Variants in SCFD2 observed in about 807,000 individuals in gnomAD.
The protein encoded by SCFD2 is sec1 family domain containing 2.
SCFD2 carries 54 observed loss-of-function variants against 58.9 expected under a neutral mutation model. The observed-to-expected ratio is 0.92, with a 90% CI of 0.74 to 1.15. The LOEUF is 1.15. SCFD2 is among the 50% of genes most tolerant of loss of function. SCFD2 has a pLI of 0.00. For synonymous variants in SCFD2, 321 were observed against 335.9 expected, an observed-to-expected ratio of 0.96 and a Z score of 0.49; for missense variants, 805 against 836.6, an observed-to-expected ratio of 0.96 and a Z score of 0.47.
intron 5 of SCFD2, among the ~76,000 whole-genome samples, chr4:53,067,985 G>C (rs1363428545): frequency 6.6e-6 from 1 of 152,038 alleles, no homozygotes; most frequent in Non-Finnish European, 1.5e-5. Flanking sequence ...AGAGTTCAGA[G>C]TTCTTAGCAA....
rs747989763 is a variant in SCFD2, at chr4:53,352,708, C to G, written c.897G>C (p.Gln299His). Residue 299 changes from glutamine to histidine, a missense_variant, in exon 2 of 9, where the codon CAG becomes CAC. By Grantham distance (24) the Gln-to-His change is conservative. Around this residue, in one of 3 missense-constraint regions of SCFD2, gnomAD observed 633 missense variants for 646.8 expected, o/e 0.98. Transcript: ENST00000401642. Reference protein sequence around the residue: ...LVEKIISALPQLPGHTNDVMV... With the variant: ...LVEKIISALPHLPGHTNDVMV... ...TCACATCATTTGTGTGGCCTGGGAG[C>G]TGGGGAAGTGCTGAAATGATCTTCT... 1 of 1,614,086 alleles carries G rather than the reference C, an allele frequency of 6.2e-7. No individual in the cohort carries two copies. Among genetic ancestry groups the G allele is most frequent in the East Asian group, 2.2e-5 (1 of 44,880 alleles).
At chr4:53,304,419 T>C (rs1732447195) in intron 3 of SCFD2, among the ~76,000 whole-genome samples, 1 of 152,206 alleles carries the variant, frequency 6.6e-6, no homozygotes, top group African/African-American at 2.4e-5. Context: ...TCCTGAAGAG[T>C]GTTTTCCAAC....
intron 5 of SCFD2, among the ~76,000 whole-genome samples, chr4:53,024,399 T>C (rs1206954522): frequency 6.6e-6 from 1 of 152,076 alleles, no homozygotes; most frequent in Non-Finnish European, 1.5e-5. Flanking sequence ...GATGGCATAA[T>C]CAACTTGGAG....
intron 2 of SCFD2, among the ~76,000 whole-genome samples, chr4:53,321,700 T>C (rs1228849817): frequency 6.6e-6 from 1 of 152,184 alleles, no homozygotes; most frequent in African/African-American, 2.4e-5. Flanking sequence ...AATTAAATTA[T>C]TCACAGAGGC....
intron 5 of SCFD2, among the ~76,000 whole-genome samples, chr4:52,944,333 T>A (rs1306205913): frequency 2.0e-5 from 3 of 152,196 alleles, no homozygotes; most frequent in Non-Finnish European, 4.4e-5. Context: ...GGAGAAGACA[T>A]TGAAATTATA....
At chr4:53,350,036 A>G (rs917186379) in intron 2 of SCFD2, among the ~76,000 whole-genome samples, 11 of 152,204 alleles carry the variant, frequency 7.2e-5, no homozygotes, top group African/African-American at 2.7e-4. Context: ...TCATAGAGAT[A>G]TTGTGAGAAG....
At chr4:53,006,633 C>T (rs1014776704) in intron 5 of SCFD2, among the ~76,000 whole-genome samples, 1 of 152,138 alleles carries the variant, frequency 6.6e-6, no homozygotes, top group South Asian at 2.1e-4. Flanking sequence ...TTGAGTATAA[C>T]CTGTTCTGTT....
intron 5 of SCFD2, among the ~76,000 whole-genome samples, chr4:53,142,040 C>G (rs1726184099): frequency 6.6e-6 from 1 of 152,192 alleles, no homozygotes; most frequent in South Asian, 2.1e-4. Flanking sequence ...TCTAGGTATT[C>G]TTTAATACAG....
At chr4:52,991,514 T>C (rs1420139479) in intron 5 of SCFD2, among the ~76,000 whole-genome samples, 3 of 152,100 alleles carry the variant, frequency 2.0e-5, no homozygotes, top group African/African-American at 7.2e-5. Context: ...TCAAGGAAAT[T>C]ACACAGGTTT....
intron 2 of SCFD2, among the ~76,000 whole-genome samples, chr4:53,340,742 G>A (rs571210833): frequency 6.6e-6 from 1 of 152,294 alleles, no homozygotes; most frequent in East Asian, 1.9e-4. Context: ...CACACAGCTG[G>A]GTGCCTCTCT....
Position 53,365,345 on chromosome 4 carries a change from G to C in SCFD2, c.597C>G (p.Ser199Arg), listed in dbSNP as rs1302302526. ...GCGTAGTGGAGTCCACATCACCCAG[G>C]CTTCCCAGCTTCCTCTTGTCCGGTC... ...SARPDKRKLG[S>R]LGDVDSTTLT... Residue 199 changes from serine (S) to arginine (R), a missense_variant, in exon 1 of 9, where the codon AGC becomes AGG. Ser to Arg is a moderately radical substitution (Grantham distance 110, BLOSUM62 -1). This residue lies in a region of SCFD2 where 633 missense variants were observed against 646.8 expected (regional missense o/e 0.98). Coordinates refer to ENST00000401642, the MANE Select transcript of SCFD2 (RefSeq NM_152540.4). The surrounding 1 kb of genome is among the most constrained non-coding windows in gnomAD (Gnocchi z 4.3). 1.2e-6 allele frequency: 2 copies of C among 1,614,046 alleles called. No homozygotes were observed. Among genetic ancestry groups the C allele is most frequent in the Non-Finnish European group, 1.7e-6 (2 of 1,180,040 alleles).
At chr4:53,265,560 G>C (rs1398562098) in intron 4 of SCFD2, 2 of 152,088 alleles carry the variant, frequency 1.3e-5, no homozygotes, top group Non-Finnish European at 2.9e-5. Context: ...TGCTGCCAAA[G>C]AGAGCACCTA....
chr4:53,318,178 G>T (rs1441442461), intron 2 of SCFD2, among the ~76,000 whole-genome samples: 1 of 152,102 alleles, frequency 6.6e-6, no homozygotes, highest in East Asian at 1.9e-4. Context: ...TATTTTTCAG[G>T]AATAAAATTG....
intron 4 of SCFD2, among the ~76,000 whole-genome samples, chr4:53,217,845 C>CA (rs1423458816): frequency 6.6e-6 from 1 of 152,142 alleles, no homozygotes; most frequent in Non-Finnish European, 1.5e-5. Flanking sequence ...CTGGTGGTGA[C>CA]AAAATCTCTC....
chr4:53,254,793 GTTTAT>G (rs1730535120), intron 4 of SCFD2, among the ~76,000 whole-genome samples: 2 of 148,560 alleles, frequency 1.3e-5, no homozygotes, highest in Non-Finnish European at 1.5e-5. Flanking sequence ...AACACTTCAT[GTTTAT>G]TTTATTTTTT....
chr4:52,918,099 C>G (rs184296269), intron 6 of SCFD2, among the ~76,000 whole-genome samples: 1 of 152,296 alleles, frequency 6.6e-6, no homozygotes, highest in African/African-American at 2.4e-5. Flanking sequence ...CAGGACATCT[C>G]AATCAGATTC....
intron 5 of SCFD2, among the ~76,000 whole-genome samples, chr4:52,924,256 C>T (rs999425117): frequency 3.3e-5 from 5 of 151,838 alleles, no homozygotes; most frequent in African/African-American, 1.2e-4. Context: ...TACTTAAAAT[C>T]CTAGATTATA....
Position 52,927,368 on chromosome 4 carries a change from G to A in SCFD2, c.1562-6498C>T, listed in dbSNP as rs151010829. ...TTTTTTAAAAAACATTATTTACCAT[G>A]TAAGATTTCCGACATACCACATGCA... On this transcript the variant is annotated intron_variant, in intron 5 of 8. Coordinates refer to ENST00000401642, the MANE Select transcript of SCFD2 (RefSeq NM_152540.4). 1.8e-3 allele frequency among the ~76,000 whole-genome samples: 270 copies of A among 151,162 alleles called. 1 individual carries two copies. Among genetic ancestry groups the A allele is most frequent in the African/African-American group, 6.1e-3 (251 of 41,132 alleles).
intron 5 of SCFD2, among the ~76,000 whole-genome samples, chr4:52,988,880 CTTCT>C (rs1399676187): frequency 6.6e-6 from 1 of 152,162 alleles, no homozygotes; most frequent in Non-Finnish European, 1.5e-5. Context: ...GATATTAATA[CTTCT>C]TTTTTACTGT....
Sources: gnomAD v4.1 joint callset for allele counts (sites outside exome capture counted in the v4.1 genomes callset) on GRCh38, gnomAD v4.1.1 for gene constraint, gnomAD v4.1.1 regional missense constraint, Gnocchi (gnomAD v3.1) non-coding constraint, MANE v1.5 for transcripts, NCBI Gene and HGNC (gene_info 2026-07-23, HGNC 2026-07-21) for gene names.